The following TBC1D22A variants were observed in gnomAD, a reference collection of about 807,000 sequenced individuals.
TBC1D22A encodes the protein putative GTPase activator.
TBC1D22A carries 38 observed loss-of-function variants against 60.2 expected under a neutral mutation model. That is an observed-to-expected ratio of 0.63 (90% CI 0.49 to 0.83). The LOEUF (loss-of-function observed/expected upper bound fraction) is 0.83. Among genes scored for constraint, TBC1D22A ranks in the 40% least tolerant of loss-of-function variants. The pLI is 0.00. For synonymous variants in TBC1D22A, 302 were observed against 281.7 expected (o/e 1.07, Z -0.72); for missense variants, 628 against 701.0 (o/e 0.90, Z 1.18).
intron 1 of TBC1D22A, among the ~76,000 whole-genome samples, chr22:46,784,773 T>C (rs1010050980): frequency 6.6e-5 from 10 of 152,222 alleles, no homozygotes; most frequent in African/African-American, 2.4e-4. Flanking sequence ...TACAGAGAGA[T>C]TGATAATATT....
intron 4 of TBC1D22A, among the ~76,000 whole-genome samples, chr22:46,872,430 T>C (rs2067334271): frequency 6.6e-6 from 1 of 152,142 alleles, no homozygotes; most frequent in African/African-American, 2.4e-5. Context: ...TATTAGCAAA[T>C]TGACTTTTGC....
chr22:47,054,835 C>T (rs1004138337), intron 11 of TBC1D22A, among the ~76,000 whole-genome samples: 1 of 152,198 alleles, frequency 6.6e-6, no homozygotes. Flanking sequence ...AGTCTCCCTA[C>T]TTCCCGTTGT....
In TBC1D22A at chr22:47,009,485, TCA is replaced by T. The variant is rs879896564; in HGVS notation, c.1201+11777_1201+11778del. ...ATCACCATCGTCATCACTATCACCA[TCA>T]TTTCATCACCATCATCACCACCATC... On this transcript the variant is annotated intron_variant, in intron 10 of 12. Transcript: ENST00000337137. The surrounding 1 kb of genome is among the most constrained non-coding windows in gnomAD (Gnocchi z 5.8). 0.24 allele frequency among the ~76,000 whole-genome samples: 36,373 copies of T among 150,482 alleles called. 4,708 individuals carry two copies. The highest frequency in any genetic ancestry group is 0.29 in the East Asian group (1,492 of 5,066).
At chr22:46,832,101 G>A (rs1278372777) in intron 4 of TBC1D22A, among the ~76,000 whole-genome samples, 1 of 152,156 alleles carries the variant, frequency 6.6e-6, no homozygotes, top group Non-Finnish European at 1.5e-5. Context: ...GGAAAATGGT[G>A]GGGGCCCAGC....
intron 11 of TBC1D22A, among the ~76,000 whole-genome samples, chr22:47,062,675 C>T (rs2063620044): frequency 6.6e-6 from 1 of 152,172 alleles, no homozygotes; most frequent in Non-Finnish European, 1.5e-5. Context: ...CCCTGGTCGA[C>T]CTTAGGAAGT....
chr22:47,071,540 C>T (rs1334963938), intron 11 of TBC1D22A, among the ~76,000 whole-genome samples: 1 of 152,224 alleles, frequency 6.6e-6, no homozygotes. Context: ...CGCTTTTAGG[C>T]TCTTTGCTTT....
At chr22:47,128,710 G>A (rs977959511) in intron 12 of TBC1D22A, among the ~76,000 whole-genome samples, 1 of 152,044 alleles carries the variant, frequency 6.6e-6, no homozygotes, top group African/African-American at 2.4e-5. Flanking sequence ...TGGAACCCAA[G>A]CCCGGTGGCC....
At chr22:46,982,660 G>A (rs368743339) in intron 9 of TBC1D22A, among the ~76,000 whole-genome samples, 12 of 152,200 alleles carry the variant, frequency 7.9e-5, no homozygotes, top group East Asian at 1.9e-4. Context: ...CCTACCGGTC[G>A]TGTGAACAAC....
chr22:46,991,665 C>T (rs749921997), intron 9 of TBC1D22A, among the ~76,000 whole-genome samples: 2 of 152,192 alleles, frequency 1.3e-5, no homozygotes, highest in African/African-American at 4.8e-5. Context: ...GTTTCTACAT[C>T]ATCTTTCCGT....
chr22:47,094,718 A>G (rs1228102944), intron 11 of TBC1D22A, among the ~76,000 whole-genome samples: 1 of 152,222 alleles, frequency 6.6e-6, no homozygotes, highest in East Asian at 1.9e-4. Context: ...CTCTTATACT[A>G]TATGGCTTTA....
intron 8 of TBC1D22A, among the ~76,000 whole-genome samples, chr22:46,919,645 C>T (rs1365817175): frequency 1.3e-5 from 2 of 151,920 alleles, no homozygotes; most frequent in African/African-American, 2.4e-5. Context: ...TTTTCCCTGC[C>T]CATAGCATTG....
intron 1 of TBC1D22A, among the ~76,000 whole-genome samples, chr22:46,773,637 T>G (rs896802326): frequency 5.3e-5 from 8 of 152,188 alleles, no homozygotes; most frequent in East Asian, 3.9e-4. Context: ...GCTCATTTTT[T>G]TGTGTGTGTG....
At chr22:46,962,758 G>A (rs1238662893) in intron 8 of TBC1D22A, among the ~76,000 whole-genome samples, 2 of 152,206 alleles carry the variant, frequency 1.3e-5, no homozygotes, top group Non-Finnish European at 2.9e-5. Flanking sequence ...TGCAACTGTA[G>A]TCATGTAACA....
chr22:47,081,571 T>C (rs1401279587), intron 11 of TBC1D22A, among the ~76,000 whole-genome samples: 2 of 152,072 alleles, frequency 1.3e-5, no homozygotes, highest in Non-Finnish European at 2.9e-5. Flanking sequence ...ATTATATAGA[T>C]AGAAAAAATT....
chr22:47,005,592 C>T (rs1454096451), intron 10 of TBC1D22A, among the ~76,000 whole-genome samples: 1 of 145,814 alleles, frequency 6.9e-6, no homozygotes, highest in East Asian at 2.0e-4. Context: ...AACCTATACA[C>T]ACACACACCT....
intron 11 of TBC1D22A, among the ~76,000 whole-genome samples, chr22:47,100,172 C>T (rs563961159): frequency 2.8e-4 from 42 of 152,210 alleles, no homozygotes; most frequent in Non-Finnish European, 4.7e-4. Flanking sequence ...GTTCTTAGTA[C>T]TTCACACAGT....
chr22:47,104,256 C>T (rs575596490), intron 11 of TBC1D22A, among the ~76,000 whole-genome samples: 19 of 151,822 alleles, frequency 1.3e-4, no homozygotes, highest in South Asian at 2.1e-4. Flanking sequence ...TGCAGTCAGC[C>T]GAGATCATGC....
Position 47,155,362 on chromosome 22 carries a change from G to A in TBC1D22A, c.1426-18136G>A, listed in dbSNP as rs377483401. On this transcript the variant is annotated intron_variant, in intron 12 of 12. Transcript: ENST00000337137. ...GCTCTGGCAGCTGCCACCCTGTCCC[G>A]GCTGGCTGTCACTGTCTTTTTATTT... 2.4e-4 allele frequency among the ~76,000 whole-genome samples: 36 copies of A among 152,274 alleles called. No homozygotes were observed. In the East Asian group the frequency reaches 3.9e-3, roughly 16 times the overall value.
intron 4 of TBC1D22A, among the ~76,000 whole-genome samples, chr22:46,829,502 C>T (rs1409322835): frequency 3.3e-5 from 5 of 152,188 alleles, no homozygotes; most frequent in African/African-American, 1.2e-4. Flanking sequence ...ACTCTTCTAA[C>T]CGACTTACTA....
Sources: gnomAD v4.1 joint callset for allele counts (sites outside exome capture counted in the v4.1 genomes callset) on GRCh38, gnomAD v4.1.1 for gene constraint, Gnocchi (gnomAD v3.1) non-coding constraint, MANE v1.5 for transcripts, NCBI Gene and HGNC (gene_info 2026-07-23, HGNC 2026-07-21) for gene names.